DYNC2H1: variants seen among roughly 807,000 people sequenced by gnomAD.
The protein encoded by DYNC2H1 is dynein cytoplasmic 2 heavy chain 1.
In DYNC2H1, 410 loss-of-function variants were observed where a neutral mutation model predicts 570.0. The observed-to-expected ratio is 0.72, with a 90% CI of 0.66 to 0.78. The LOEUF (loss-of-function observed/expected upper bound fraction) is 0.78, where lower values mean the gene tolerates loss of function less well. DYNC2H1 is among the 30% of genes least tolerant of loss of function. The pLI is 0.00. For missense variants in DYNC2H1, 4,865 were observed against 5,046.4 expected (o/e 0.96, Z 1.09); for synonymous variants, 1,688 against 1,677.6 (o/e 1.01, Z -0.15).
In DYNC2H1 at chr11:103,201,519, A is replaced by T. The variant is rs1405139629; in HGVS notation, c.8197+1365A>T. ...ACAACAACAACAACAACAACTAAAA[A>T]CGAATTCTTTGCTACTACCCTAAAT... On this transcript the variant is annotated intron_variant, in intron 50 of 88. Transcript: ENST00000375735. The surrounding 1 kb of genome is among the most constrained non-coding windows in gnomAD (Gnocchi z 4.8). Among the ~76,000 whole-genome samples, 1 of 152,102 alleles carries T rather than the reference A, an allele frequency of 6.6e-6. No homozygotes were observed. The highest frequency in any genetic ancestry group is 1.5e-5 in the Non-Finnish European group (1 of 67,992).
chr11:103,240,217 C>T (rs1864376291), intron 63 of DYNC2H1, among the ~76,000 whole-genome samples: 1 of 152,034 alleles, frequency 6.6e-6, no homozygotes, highest in Non-Finnish European at 1.5e-5. Flanking sequence ...TTCTCTTTAC[C>T]CTTTGTTAAC....
chr11:103,352,753 ATC>A (rs1940114021), intron 82 of DYNC2H1, among the ~76,000 whole-genome samples: 1 of 152,202 alleles, frequency 6.6e-6, no homozygotes. Context: ...TTCCTCAAAG[ATC>A]TAGAACCAGA....
intron 84 of DYNC2H1, among the ~76,000 whole-genome samples, chr11:103,431,609 A>C (rs1007275265): frequency 4.6e-5 from 7 of 152,162 alleles, no homozygotes; most frequent in Non-Finnish European, 4.4e-5. Flanking sequence ...ATCTTTATTA[A>C]TCAAAATAGG....
At position 103,161,017 on chromosome 11, in the gene DYNC2H1, T is replaced by G; in HGVS notation, c.4464T>G (p.Asn1488Lys). ...AGGGAGAAGTTGTACCTTTTAAAAATAAAGTTCCTCTATCAAATAATGTAG... is the reference window on the plus strand; with the variant it reads ...AGGGAGAAGTTGTACCTTTTAAAAAGAAAGTTCCTCTATCAAATAATGTAG... ...SLEGEVVPFK[N>K]KVPLSNNVET... The change falls in exon 29 of 89, where the codon AAT (asparagine) becomes AAG (lysine). Residue 1488 changes from asparagine (N) to lysine (K), a missense_variant. By Grantham distance (94) the Asn-to-Lys change is moderately conservative. This residue lies in a region of DYNC2H1 where 1,936 missense variants were observed against 1,962.1 expected (regional missense o/e 0.99). Coordinates refer to ENST00000375735, the MANE Select transcript of DYNC2H1 (RefSeq NM_001377.3). 1 of 1,529,902 alleles carries G rather than the reference T, an allele frequency of 6.5e-7. No individual in the cohort carries two copies. Among genetic ancestry groups the G allele is most frequent in the Non-Finnish European group, 8.8e-7 (1 of 1,140,762 alleles). The allele number at this position is 1,529,902 out of a possible 1,614,324, so 94.8% of individuals were successfully genotyped here. A position where few individuals can be genotyped will look rare whatever the true frequency, so the allele number is the denominator to read the frequency against.
intron 79 of DYNC2H1, among the ~76,000 whole-genome samples, chr11:103,312,675 TA>T (rs2135419391): frequency 6.6e-6 from 1 of 152,138 alleles, no homozygotes; most frequent in South Asian, 2.1e-4. Context: ...TCTGCTAATC[TA>T]GACTGTATAT....
chr11:103,205,164 T>C lies in DYNC2H1; in HGVS notation c.8454+200T>C. Among the ~76,000 whole-genome samples, 1 of 152,190 alleles carries C rather than the reference T, an allele frequency of 6.6e-6. No individual in the cohort carries two copies. Among genetic ancestry groups the C allele is most frequent in the East Asian group, 1.9e-4 (1 of 5,198 alleles). ...GTAGAATTTTAGATTGAGGATCATG[T>C]TCTTAATTAAGGACCCCAGAGACAA... On this transcript the variant is annotated intron_variant, in intron 52 of 88. Transcript: ENST00000375735. This position sits in a 1 kb window ranked among gnomAD's most constrained non-coding sequence, Gnocchi z 4.5.
chr11:103,414,269 T>TAATA (rs1473403417), intron 84 of DYNC2H1, among the ~76,000 whole-genome samples: 1 of 152,206 alleles, frequency 6.6e-6, no homozygotes, highest in Non-Finnish European at 1.5e-5. Context: ...GGAATGTTAT[T>TAATA]AATAATTTTA....
At chr11:103,333,485 C>G (rs555507643) in intron 82 of DYNC2H1, among the ~76,000 whole-genome samples, 1 of 152,132 alleles carries the variant, frequency 6.6e-6, no homozygotes, top group African/African-American at 2.4e-5. Context: ...AGGATGGTCT[C>G]GATCTCCTGA....
intron 1 of DYNC2H1, 133 bp downstream of exon 1, chr11:103,109,902 T>C: frequency 1.1e-6 from 1 of 931,228 alleles, no homozygotes; most frequent in Non-Finnish European, 1.5e-6. Flanking sequence ...TGTCTCCACT[T>C]CTCCTGCATT....
intron 84 of DYNC2H1, among the ~76,000 whole-genome samples, chr11:103,420,495 A>T (rs952045222): frequency 2.0e-5 from 3 of 152,196 alleles, no homozygotes; most frequent in African/African-American, 4.8e-5. Flanking sequence ...CACGTCACTC[A>T]CAAAGGGAAG....
chr11:103,259,714 G>A (rs556322317), intron 69 of DYNC2H1, among the ~76,000 whole-genome samples, 174 bp from the exon 70 acceptor site: 157 of 152,156 alleles, frequency 1.0e-3, no homozygotes, highest in African/African-American at 3.2e-3. Flanking sequence ...AGAAAGATGC[G>A]TCATTTTTTA....
chr11:103,255,142 A>G (rs1411821562), intron 66 of DYNC2H1, among the ~76,000 whole-genome samples: 1 of 152,198 alleles, frequency 6.6e-6, no homozygotes, highest in Non-Finnish European at 1.5e-5. Flanking sequence ...ATTTAATTTA[A>G]AACTAAATAT....
chr11:103,255,627 GA>G (rs1471985986), intron 67 of DYNC2H1, 93 bp downstream of exon 67: 30 of 1,330,110 alleles, frequency 2.3e-5, no homozygotes, highest in Non-Finnish European at 3.0e-5. Context: ...AGTATCTTCA[GA>G]TTTTTTTTTC....
intron 60 of DYNC2H1, among the ~76,000 whole-genome samples, chr11:103,233,828 T>TTGTG: frequency 2.0e-5 from 1 of 50,130 alleles, no homozygotes; most frequent in East Asian, 4.4e-4. Flanking sequence ...ATGCTACACT[T>TTGTG]TATGTGTGTG....
intron 70 of DYNC2H1, among the ~76,000 whole-genome samples, chr11:103,276,293 A>G (rs1348040124): frequency 6.6e-6 from 1 of 152,130 alleles, no homozygotes; most frequent in East Asian, 1.9e-4. Flanking sequence ...TGCTTGTAGT[A>G]CTTACAGGAA....
intron 5 of DYNC2H1, 23 bp from the exon 6 acceptor site, chr11:103,117,608 C>T (rs1415229779): frequency 3.9e-6 from 6 of 1,521,304 alleles, no homozygotes; most frequent in South Asian, 2.7e-5. Context: ...TTCCCTTAAA[C>T]TCTTTGCTTT....
intron 83 of DYNC2H1, among the ~76,000 whole-genome samples, chr11:103,385,035 G>A (rs1941816192): frequency 6.6e-6 from 1 of 152,080 alleles, no homozygotes; most frequent in African/African-American, 2.4e-5. Flanking sequence ...TTCTGTTGTT[G>A]AGAAGTCAAT....
In DYNC2H1 at chr11:103,192,193, A is replaced by G. The variant is rs754183542; in HGVS notation, c.7637A>G (p.His2546Arg). 3.1e-6 allele frequency: 5 copies of G among 1,588,496 alleles called. No homozygotes were observed. In the South Asian group the frequency reaches 5.8e-5, roughly 19 times the overall value. ...RDKIVGAKEL[H>R]LFDIILTSVF... ...AAAATTGTTGGTGCAAAGGAACTTC[A>G]TTTATTTGACATCATTTTAACATCA... The change falls in exon 47 of 89, where the codon CAT (histidine) becomes CGT (arginine). Residue 2546 changes from histidine to arginine, a missense_variant. This residue lies in a region of DYNC2H1 where 2,401 missense variants were observed against 2,454.6 expected (regional missense o/e 0.98). Transcript: ENST00000375735.
intron 85 of DYNC2H1, among the ~76,000 whole-genome samples, chr11:103,436,496 CAGGTTAGTTGATGCAAACA>C (rs1944064763): frequency 6.6e-6 from 1 of 151,938 alleles, no homozygotes; most frequent in Non-Finnish European, 1.5e-5. Flanking sequence ...AAACATGATA[CAGGTTAGTTGATGCAAACA>C]AGGTACCTTT....
Sources: allele counts gnomAD v4.1 joint callset (sites outside exome capture counted in the v4.1 genomes callset), GRCh38; gene constraint gnomAD v4.1.1; regional missense constraint gnomAD v4.1.1; non-coding constraint Gnocchi (gnomAD v3.1); transcripts MANE v1.5; gene names NCBI Gene and HGNC (gene_info 2026-07-23, HGNC 2026-07-21).